VPS13B: variants seen among roughly 807,000 people sequenced by gnomAD.
VPS13B encodes intermembrane lipid transfer protein VPS13B.
Under a neutral mutation model 426.4 loss-of-function variants are expected in VPS13B, and 285 were observed. The observed-to-expected ratio is 0.67, with a 90% CI of 0.61 to 0.74. The LOEUF (loss-of-function observed/expected upper bound fraction) is 0.74. Ranked by LOEUF, VPS13B falls within the 30% of genes least tolerant of loss-of-function variation. The pLI is 0.00. For synonymous variants in VPS13B, 1,676 were observed against 1,676.4 expected (o/e 1.00, Z 0.01); for missense variants, 4,537 against 4,782.6 (o/e 0.95, Z 1.51).
intron 19 of VPS13B, among the ~76,000 whole-genome samples, 156 bp from the exon 20 acceptor site, chr8:99,384,052 C>T (rs1163340215): frequency 6.6e-6 from 1 of 152,144 alleles, no homozygotes; most frequent in Non-Finnish European, 1.5e-5. Context: ...ACATTCCTAC[C>T]AGCAATGTAT....
intron 19 of VPS13B, among the ~76,000 whole-genome samples, chr8:99,284,392 C>G (rs897188845): frequency 4.6e-5 from 7 of 152,160 alleles, no homozygotes; most frequent in Non-Finnish European, 5.9e-5. Flanking sequence ...AGAACTATAA[C>G]GATGCATCAA....
chr8:99,575,525 T>C, intron 31 of VPS13B, 133 bp from the exon 32 acceptor site: 1 of 1,051,950 alleles, frequency 9.5e-7, no homozygotes, highest in Admixed American at 2.2e-5. Context: ...CTGTAAAATA[T>C]GCAAATAGGC....
At chr8:99,589,328 T>C (rs1389178278) in intron 33 of VPS13B, among the ~76,000 whole-genome samples, 1 of 151,638 alleles carries the variant, frequency 6.6e-6, no homozygotes, top group African/African-American at 2.4e-5. Flanking sequence ...TAGCATTAGG[T>C]ATATCTCCTA....
intron 35 of VPS13B, among the ~76,000 whole-genome samples, chr8:99,679,336 A>G (rs1831062999): frequency 6.6e-6 from 1 of 152,210 alleles, no homozygotes; most frequent in African/African-American, 2.4e-5. Flanking sequence ...GTAGTGGAAT[A>G]TAGTTATCCC....
chr8:99,336,602 C>A (rs1044104106), intron 19 of VPS13B, among the ~76,000 whole-genome samples: 2 of 152,114 alleles, frequency 1.3e-5, no homozygotes, highest in Non-Finnish European at 2.9e-5. Flanking sequence ...AAAATTTTCG[C>A]AAGCTACTCA....
chr8:99,219,101 C>T (rs1815541744), intron 17 of VPS13B, among the ~76,000 whole-genome samples: 1 of 152,088 alleles, frequency 6.6e-6, no homozygotes, highest in South Asian at 2.1e-4. Context: ...AGTTTGTGGC[C>T]TCTAAGCTTT....
intron 19 of VPS13B, among the ~76,000 whole-genome samples, chr8:99,308,681 T>C (rs1269913315): frequency 6.6e-6 from 1 of 152,218 alleles, no homozygotes; most frequent in East Asian, 1.9e-4. Flanking sequence ...TTATAATCCT[T>C]TGGGTGTATC....
intron 3 of VPS13B, among the ~76,000 whole-genome samples, chr8:99,076,317 G>T (rs900299194): frequency 6.6e-6 from 1 of 152,126 alleles, no homozygotes; most frequent in African/African-American, 2.4e-5. Flanking sequence ...CTGATGAGTC[G>T]AATGTGTATT....
intron 17 of VPS13B, among the ~76,000 whole-genome samples, chr8:99,254,348 G>C (rs1235372079): frequency 6.6e-6 from 1 of 151,722 alleles, no homozygotes; most frequent in Non-Finnish European, 1.5e-5. Flanking sequence ...TAAAGCAATT[G>C]AAAAATGTCA....
In VPS13B at chr8:99,363,124, C is replaced by T. The variant is rs549395470; in HGVS notation, c.2825-21084C>T. Among the ~76,000 whole-genome samples the T allele has an allele frequency of 6.5e-4, 99 of 152,154 alleles. 2 individuals carry two copies. The highest frequency in any genetic ancestry group is 3.2e-3 in the Admixed American group (49 of 15,284). ...TCTCAGTGATTACTTTTAGTAGTTT[C>T]GTAGTTTGAGGTCTTAGATTTAAGT... On this transcript the variant is annotated intron_variant, in intron 19 of 61. Coordinates refer to ENST00000357162, the MANE Select transcript of VPS13B (RefSeq NM_152564.5).
At chr8:99,177,888 G>A (rs574637200) in intron 16 of VPS13B, among the ~76,000 whole-genome samples, 2 of 152,322 alleles carry the variant, frequency 1.3e-5, no homozygotes, top group South Asian at 4.1e-4. Context: ...GTGCACAGCA[G>A]TGGGAAAATA....
chr8:99,480,137 C>G (rs1410618020), intron 24 of VPS13B, among the ~76,000 whole-genome samples: 1 of 152,162 alleles, frequency 6.6e-6, no homozygotes, highest in Non-Finnish European at 1.5e-5. Flanking sequence ...TTTAGCACAA[C>G]TTGAAGGATA....
chr8:99,659,100 G>A (rs1830127285), intron 34 of VPS13B, among the ~76,000 whole-genome samples: 1 of 152,126 alleles, frequency 6.6e-6, no homozygotes, highest in African/African-American at 2.4e-5. Context: ...CTTCCAAAGT[G>A]CTAGGATTGC....
At chr8:99,417,306 T>C (rs1816078309) in intron 21 of VPS13B, among the ~76,000 whole-genome samples, 1 of 152,184 alleles carries the variant, frequency 6.6e-6, no homozygotes, top group South Asian at 2.1e-4. Flanking sequence ...CATAAAATAT[T>C]GACACCAATT....
At chr8:99,096,488 G>A (rs1010229533) in intron 4 of VPS13B, 56 bp downstream of exon 4, 4 of 1,606,536 alleles carry the variant, frequency 2.5e-6, no homozygotes, top group East Asian at 2.3e-5. Context: ...GGGCATGGTG[G>A]CTCATGCCTG....
intron 16 of VPS13B, among the ~76,000 whole-genome samples, chr8:99,174,163 TC>T (rs1392976606): frequency 1.3e-5 from 2 of 152,214 alleles, no homozygotes; most frequent in African/African-American, 2.4e-5. Context: ...CCTTATTCAT[TC>T]GTTTGTAAGA....
At chr8:99,680,730 A>G (rs1831123788) in intron 35 of VPS13B, among the ~76,000 whole-genome samples, 4 of 152,230 alleles carry the variant, frequency 2.6e-5, no homozygotes. Context: ...GAGGATTATA[A>G]CACAATTCTA....
At chr8:99,738,133 A>T (rs1034792070) in intron 39 of VPS13B, among the ~76,000 whole-genome samples, 1 of 152,254 alleles carries the variant, frequency 6.6e-6, no homozygotes, top group African/African-American at 2.4e-5. Flanking sequence ...GGAAACATAC[A>T]TAAGAGTACA....
At chr8:99,733,245 G>C (rs1588664859) in intron 39 of VPS13B, among the ~76,000 whole-genome samples, 1 of 152,142 alleles carries the variant, frequency 6.6e-6, no homozygotes, top group East Asian at 1.9e-4. Context: ...CTACATTGTT[G>C]AAGAGAACAG....
Sources: allele counts gnomAD v4.1 joint callset (sites outside exome capture counted in the v4.1 genomes callset), GRCh38; gene constraint gnomAD v4.1.1; transcripts MANE v1.5; gene names NCBI Gene and HGNC (gene_info 2026-07-23, HGNC 2026-07-21).